The following DEPDC1B variants were observed in gnomAD, a reference collection of about 807,000 sequenced individuals.
The protein encoded by DEPDC1B is DEP domain-containing protein 1B.
A neutral mutation model predicts 66.5 loss-of-function variants in DEPDC1B; 51 were observed. The ratio of observed to expected loss-of-function variants is 0.77; its 90% CI spans 0.61 to 0.97. The LOEUF (loss-of-function observed/expected upper bound fraction) is 0.97. DEPDC1B is among the 50% of genes least tolerant of loss of function. The pLI is 0.00. For synonymous variants in DEPDC1B, 226 were observed against 223.6 expected (o/e 1.01, Z -0.10); for missense variants, 552 against 637.1 (o/e 0.87, Z 1.44).
chr5:60,631,462 G>A (rs1422896183), intron 7 of DEPDC1B, among the ~76,000 whole-genome samples: 1 of 152,200 alleles, frequency 6.6e-6, no homozygotes, highest in African/African-American at 2.4e-5. Context: ...ATTCTGGAGA[G>A]CATAAGTGAT....
At chr5:60,632,136 T>G (rs1351681996) in intron 7 of DEPDC1B, among the ~76,000 whole-genome samples, 1 of 152,268 alleles carries the variant, frequency 6.6e-6, no homozygotes, top group African/African-American at 2.4e-5. Flanking sequence ...TGAGACTGCA[T>G]GCCTGGGCAC....
rs551685480 is a variant in DEPDC1B, at chr5:60,675,778, C to T, written c.314+11184G>A. On this transcript the variant is annotated intron_variant, in intron 2 of 10. Transcript: ENST00000265036. ...TATCGCTTTCACCAGTTACCTTAAA[C>T]GCCTCACCAGCTTCTCTGCCTTACA... 9.2e-5 allele frequency among the ~76,000 whole-genome samples: 14 copies of T among 152,280 alleles called. No individual in the cohort carries two copies. In the East Asian group the frequency reaches 1.5e-3, roughly 17 times the overall value.
chr5:60,699,598 C>G (rs557240977), intron 1 of DEPDC1B, among the ~76,000 whole-genome samples: 31 of 152,234 alleles, frequency 2.0e-4, no homozygotes, highest in African/African-American at 7.0e-4. Flanking sequence ...TTCTGGGCAC[C>G]GTTTATTCGA....
At chr5:60,645,309 T>G (rs552845645) in intron 4 of DEPDC1B, among the ~76,000 whole-genome samples, 183 bp downstream of exon 4, 4 of 152,208 alleles carry the variant, frequency 2.6e-5, no homozygotes, top group African/African-American at 9.6e-5. Flanking sequence ...CTAACTATTA[T>G]GTAAATAGCA....
At chr5:60,680,004 C>G (rs989085487) in intron 2 of DEPDC1B, among the ~76,000 whole-genome samples, 2 of 152,270 alleles carry the variant, frequency 1.3e-5, no homozygotes, top group Admixed American at 6.5e-5. Context: ...TGTACCCTGT[C>G]TACCTCATAG....
At chr5:60,601,067 G>T (rs1417233885) in intron 9 of DEPDC1B, among the ~76,000 whole-genome samples, 1 of 152,144 alleles carries the variant, frequency 6.6e-6, no homozygotes, top group African/African-American at 2.4e-5. Context: ...CCTCATGAAG[G>T]ATGTGTTTGC....
chr5:60,625,165 T>C (rs1752784789), intron 7 of DEPDC1B, among the ~76,000 whole-genome samples: 1 of 152,164 alleles, frequency 6.6e-6, no homozygotes, highest in South Asian at 2.1e-4. Context: ...TTTGGGTTGG[T>C]TCCGAGTCTT....
At chr5:60,624,187 C>T (rs1305423983) in intron 7 of DEPDC1B, among the ~76,000 whole-genome samples, 3 of 152,094 alleles carry the variant, frequency 2.0e-5, no homozygotes, top group Non-Finnish European at 4.4e-5. Flanking sequence ...ATGTATTTAA[C>T]ATTTTTATCA....
intron 7 of DEPDC1B, among the ~76,000 whole-genome samples, chr5:60,632,585 G>A (rs1320769469): frequency 1.3e-5 from 2 of 152,236 alleles, no homozygotes; most frequent in Non-Finnish European, 2.9e-5. Flanking sequence ...GGACAGCAGT[G>A]GCTACTCCGA....
Position 60,645,540 on chromosome 5 carries a change from A to G in DEPDC1B, c.530T>C (p.Leu177Pro). 6.2e-7 allele frequency: 1 copy of G among 1,613,286 alleles called. No individual in the cohort carries two copies. Residue 177 changes from leucine (L) to proline (P), a missense_variant, in exon 4 of 11, where the codon CTG (leucine) becomes CCG (proline). Coordinates refer to ENST00000265036, the MANE Select transcript of DEPDC1B (RefSeq NM_018369.3). ...PACRLVHRRQ[L>P]TEANVEEIWK... ...TATCTCTTCTACATTGGCCTCTGTC[A>G]GCTGTCTGCGGTGGACAAGACGGCA...
intron 10 of DEPDC1B, among the ~76,000 whole-genome samples, chr5:60,598,779 C>T (rs1258600871): frequency 6.6e-6 from 1 of 152,160 alleles, no homozygotes; most frequent in Non-Finnish European, 1.5e-5. Context: ...GAGATTAAAG[C>T]AGATGCTCTG....
chr5:60,681,699 T>C (rs1754300387), intron 2 of DEPDC1B, among the ~76,000 whole-genome samples: 1 of 152,056 alleles, frequency 6.6e-6, no homozygotes, highest in South Asian at 2.1e-4. Context: ...TTTCAAATAA[T>C]GATTTCAAGG....
At chr5:60,609,390 T>C (rs1452172249) in intron 7 of DEPDC1B, among the ~76,000 whole-genome samples, 1 of 152,134 alleles carries the variant, frequency 6.6e-6, no homozygotes, top group Non-Finnish European at 1.5e-5. Flanking sequence ...TATGCTACTA[T>C]CTCTTCCTCC....
chr5:60,647,127 T>C (rs1388989737), intron 3 of DEPDC1B, among the ~76,000 whole-genome samples: 1 of 133,248 alleles, frequency 7.5e-6, no homozygotes, highest in Non-Finnish European at 1.6e-5. Flanking sequence ...CATGGAGAAA[T>C]TGTCTTCCAT....
intron 2 of DEPDC1B, among the ~76,000 whole-genome samples, chr5:60,682,604 T>C (rs1409674644): frequency 6.6e-6 from 1 of 152,164 alleles, no homozygotes; most frequent in African/African-American, 2.4e-5. Context: ...ATGTGTATCT[T>C]GAGCATTTCA....
chr5:60,655,609 G>A (rs564233086), intron 2 of DEPDC1B, among the ~76,000 whole-genome samples: 1 of 148,820 alleles, frequency 6.7e-6, no homozygotes, highest in South Asian at 2.2e-4. Flanking sequence ...ATTATTTTTT[G>A]TTTCAATTTC....
In DEPDC1B at chr5:60,654,440, G is replaced by A. The variant is rs868717874; in HGVS notation, c.315-6907C>T. Among the ~76,000 whole-genome samples, 11 of 147,598 alleles carry A rather than the reference G, an allele frequency of 7.5e-5. 1 individual carries two copies. In the South Asian group the frequency reaches 9.1e-4, roughly 12 times the overall value. On this transcript the variant is annotated intron_variant, in intron 2 of 10. Transcript: ENST00000265036. ...TTGATTCTCAGCTTGGTCACTGTTGGGTTATAGCAGTGCTACTGATTTGTG... is the reference window on the plus strand; with the variant it reads ...TTGATTCTCAGCTTGGTCACTGTTGAGTTATAGCAGTGCTACTGATTTGTG...
rs902468223 is a variant in DEPDC1B at position 60,613,986 on chromosome 5, T to C, written c.899-8130A>G. 5.3e-5 allele frequency among the ~76,000 whole-genome samples: 8 copies of C among 152,222 alleles called. No individual in the cohort carries two copies. The South Asian group carries it at 1.2e-3, about 24-fold the overall frequency. On this transcript the variant is annotated intron_variant, in intron 7 of 10. Transcript: ENST00000265036. ...TACTTAGTCACAAATTGCACCTATG[T>C]TGTACTTTCAGTTTTCAAGTCTTAC...
At chr5:60,652,652 T>G (rs921581899) in intron 2 of DEPDC1B, among the ~76,000 whole-genome samples, 6 of 148,972 alleles carry the variant, frequency 4.0e-5, no homozygotes, top group Non-Finnish European at 7.4e-5. Context: ...TGGTGTTTGG[T>G]TACATGAATA....
Sources: gnomAD v4.1 joint callset for allele counts (sites outside exome capture counted in the v4.1 genomes callset) on GRCh38, gnomAD v4.1.1 for gene constraint, MANE v1.5 for transcripts, NCBI Gene and HGNC (gene_info 2026-07-23, HGNC 2026-07-21) for gene names.